Variants in HS6ST1 observed in about 807,000 individuals in gnomAD.
The protein encoded by HS6ST1 is heparan sulfate 6-O-sulfotransferase 1, also known as heparan-sulfate 6-O-sulfotransferase 1.
A neutral mutation model predicts 25.2 loss-of-function variants in HS6ST1; 3 were observed. That is an observed-to-expected ratio of 0.12 (90% CI 0.05 to 0.31). The LOEUF (loss-of-function observed/expected upper bound fraction) is 0.31, where lower values mean the gene tolerates loss of function less well. HS6ST1 is among the 10% of genes least tolerant of loss of function. HS6ST1 has a pLI of 1.00. For missense variants in HS6ST1, 310 were observed against 609.6 expected (o/e 0.51, Z 5.18); for synonymous variants, 204 against 275.1 (o/e 0.74, Z 2.56).
chr2:128,309,488 G>A (rs1175339718), intron 1 of HS6ST1, among the ~76,000 whole-genome samples: 7 of 152,226 alleles, frequency 4.6e-5, no homozygotes, highest in Non-Finnish European at 1.0e-4. Context: ...CCCAGCAGGA[G>A]GCCCTGTCAC....
At chr2:128,306,225 C>T (rs1406669766) in intron 1 of HS6ST1, among the ~76,000 whole-genome samples, 2 of 152,204 alleles carry the variant, frequency 1.3e-5, no homozygotes, top group Admixed American at 6.5e-5. Flanking sequence ...AGGGCTAGCA[C>T]GCTGGTGTCA....
rs61732017 is a variant in HS6ST1, at chr2:128,318,377, G to T, written c.187C>A (p.His63Asn). The stretch of plus-strand genomic sequence containing the variant: ...GGGAAGTAGTACTTCTTCTCGTAGT[G>T]GGGGTCGGGTGTGGGGAACAGGTCC... ...DLDLFPTPDP[H>N]YEKKYYFPVR... Residue 63 changes from histidine (H) to asparagine (N), a missense_variant, in exon 1 of 2, where the codon CAC becomes AAC. This residue lies in a region of HS6ST1 where 63 missense variants were observed against 105.4 expected (regional missense o/e 0.60). Coordinates refer to ENST00000259241, the MANE Select transcript of HS6ST1 (RefSeq NM_004807.3). This position sits in a 1 kb window ranked among gnomAD's most constrained non-coding sequence, Gnocchi z 5.7. 1.8e-4 allele frequency: 289 copies of T among 1,592,898 alleles called. 3 individuals are homozygous for T. The highest frequency in any genetic ancestry group is 1.3e-3 in the South Asian group (114 of 89,484).
At chr2:128,277,727 C>T (rs548765072) in intron 1 of HS6ST1, among the ~76,000 whole-genome samples, 4 of 152,326 alleles carry the variant, frequency 2.6e-5, no homozygotes, top group Non-Finnish European at 4.4e-5. Context: ...CGAGGTTGAA[C>T]GAGTAATGGC....
intron 1 of HS6ST1, among the ~76,000 whole-genome samples, chr2:128,292,144 C>T (rs1236351521): frequency 6.6e-6 from 1 of 152,110 alleles, no homozygotes; most frequent in South Asian, 2.1e-4. Flanking sequence ...GCAAGAGTGC[C>T]AGGGATTCCT....
At chr2:128,297,445 T>C (rs1283104780) in intron 1 of HS6ST1, among the ~76,000 whole-genome samples, 3 of 152,218 alleles carry the variant, frequency 2.0e-5, no homozygotes, top group African/African-American at 7.2e-5. Context: ...AAAAGCTTTA[T>C]GATACTAGAT....
rs1343575881 is a variant in HS6ST1, at chr2:128,266,269, T to C, written c.*1893A>G. The C allele has an allele frequency of 2.6e-5, 4 of 152,084 alleles. No homozygotes were observed. The highest frequency in any genetic ancestry group is 2.6e-4 in the Admixed American group (4 of 15,270). The allele number at this position is 152,084 out of a possible 1,614,324, so 9.4% of individuals were successfully genotyped here. A position where few individuals can be genotyped will look rare whatever the true frequency, so the allele number is the denominator to read the frequency against. On this transcript the variant is annotated 3_prime_UTR_variant, in exon 2 of 2. Transcript: ENST00000259241. ...AACGTGTTCCTCCTCCTCCAAGGAG[T>C]GCACCCACCCCCATGTTGAGTGTCC...
chr2:128,302,004 C>T lies in HS6ST1; in HGVS notation c.527+16033G>A, dbSNP rs371249149. Among the ~76,000 whole-genome samples, 7 of 152,280 alleles carry T rather than the reference C, an allele frequency of 4.6e-5. No homozygotes were observed. The East Asian group carries it at 1.4e-3, about 29-fold the overall frequency. On this transcript the variant is annotated intron_variant, in intron 1 of 1. Transcript: ENST00000259241. ...TCTCCATGGTGCCGCCAGCTCCTCT[C>T]CCTGGATAAAGTCATGCCCCAATGA...
At chr2:128,291,651 C>T (rs936701842) in intron 1 of HS6ST1, among the ~76,000 whole-genome samples, 3 of 152,208 alleles carry the variant, frequency 2.0e-5, no homozygotes, top group Middle Eastern at 3.2e-3. Flanking sequence ...GGAGCCAGGG[C>T]ACAGGCTGTG....
chr2:128,268,130 C>A lies in HS6ST1; in HGVS notation c.*32G>T. 1.3e-6 allele frequency: 2 copies of A among 1,511,616 alleles called. No individual in the cohort carries two copies. Among genetic ancestry groups the A allele is most frequent in the Non-Finnish European group, 1.8e-6 (2 of 1,106,084 alleles). The allele number at this position is 1,511,616 out of a possible 1,614,324, so 93.6% of individuals were successfully genotyped here. On this transcript the variant is annotated 3_prime_UTR_variant, in exon 2 of 2. Transcript: ENST00000259241. ...CTGTCCTGTTTTATCCCCCACACCCCCCAAGAGGCCTCCCCGTGGCCACCA... is the reference window on the plus strand; with the variant it reads ...CTGTCCTGTTTTATCCCCCACACCCACCAAGAGGCCTCCCCGTGGCCACCA...
chr2:128,305,275 A>T (rs561388295), intron 1 of HS6ST1, among the ~76,000 whole-genome samples: 3 of 152,390 alleles, frequency 2.0e-5, no homozygotes, highest in South Asian at 4.1e-4. Flanking sequence ...CCCAGCTTCC[A>T]GGAAAGCAGA....
chr2:128,297,987 C>T (rs975101299), intron 1 of HS6ST1, among the ~76,000 whole-genome samples: 3 of 152,048 alleles, frequency 2.0e-5, no homozygotes, highest in African/African-American at 7.2e-5. Context: ...ACTCCTATAA[C>T]TTAACAACCC....
intron 1 of HS6ST1, among the ~76,000 whole-genome samples, chr2:128,301,250 T>C (rs1483430611): frequency 6.6e-6 from 1 of 151,834 alleles, no homozygotes; most frequent in Non-Finnish European, 1.5e-5. Flanking sequence ...CACCCCTCTG[T>C]GTGAGGCAGG....
intron 1 of HS6ST1, among the ~76,000 whole-genome samples, chr2:128,282,603 C>T (rs1322708921): frequency 1.3e-5 from 2 of 152,222 alleles, no homozygotes; most frequent in African/African-American, 2.4e-5. Flanking sequence ...GAGGGCATGT[C>T]GGGGGCAGGC....
At chr2:128,281,478 C>G (rs1431441278) in intron 1 of HS6ST1, among the ~76,000 whole-genome samples, 1 of 152,230 alleles carries the variant, frequency 6.6e-6, no homozygotes, top group Non-Finnish European at 1.5e-5. Context: ...TCCTTAGAGA[C>G]AGCCTTCTTT....
chr2:128,292,388 C>T (rs192757675), intron 1 of HS6ST1, among the ~76,000 whole-genome samples: 23 of 152,350 alleles, frequency 1.5e-4, no homozygotes, highest in African/African-American at 4.8e-4. Context: ...CCACCCAACA[C>T]CTTCTCAGGG....
intron 1 of HS6ST1, among the ~76,000 whole-genome samples, chr2:128,297,493 G>A (rs1173007641): frequency 1.3e-5 from 2 of 152,024 alleles, no homozygotes; most frequent in African/African-American, 4.8e-5. Flanking sequence ...CCAAACACAG[G>A]TAACAAAAGA....
chr2:128,307,954 G>C (rs780003448), intron 1 of HS6ST1, among the ~76,000 whole-genome samples: 12 of 152,226 alleles, frequency 7.9e-5, no homozygotes, highest in Non-Finnish European at 1.6e-4. Flanking sequence ...TTGATGTTAA[G>C]TCCAGCAGTC....
intron 1 of HS6ST1, among the ~76,000 whole-genome samples, chr2:128,288,406 T>C (rs1227676811): frequency 6.6e-6 from 1 of 152,180 alleles, no homozygotes; most frequent in Non-Finnish European, 1.5e-5. Flanking sequence ...CACGACTTGA[T>C]ACCTACGCCC....
chr2:128,313,801 C>T (rs1466755358), intron 1 of HS6ST1, among the ~76,000 whole-genome samples: 4 of 152,062 alleles, frequency 2.6e-5, no homozygotes, highest in African/African-American at 4.8e-5. Flanking sequence ...CAGTTTTATG[C>T]GTGAAGTGCC....
Sources: allele counts gnomAD v4.1 joint callset (sites outside exome capture counted in the v4.1 genomes callset), GRCh38; gene constraint gnomAD v4.1.1; regional missense constraint gnomAD v4.1.1; non-coding constraint Gnocchi (gnomAD v3.1); transcripts MANE v1.5; gene names NCBI Gene and HGNC (gene_info 2026-07-23, HGNC 2026-07-21).